ZNF804B: variants seen among roughly 807,000 people sequenced by gnomAD.
ZNF804B encodes the protein zinc finger protein 804B.
A neutral mutation model predicts 101.4 loss-of-function variants in ZNF804B; 80 were observed. The observed-to-expected ratio is 0.79, with a 90% CI of 0.66 to 0.95. The LOEUF is 0.95. Ranked by LOEUF, ZNF804B falls within the 40% of genes least tolerant of loss-of-function variation. The pLI is 0.00. For synonymous variants in ZNF804B, 622 were observed against 558.8 expected, an observed-to-expected ratio of 1.11 and a Z score of -1.59; for missense variants, 1,673 against 1,561.9, an observed-to-expected ratio of 1.07 and a Z score of -1.20.
intron 3 of ZNF804B, among the ~76,000 whole-genome samples, chr7:89,329,591 T>C (rs1192303388): frequency 1.3e-5 from 2 of 151,528 alleles, no homozygotes; most frequent in Non-Finnish European, 3.0e-5. Flanking sequence ...AAAAAAATGG[T>C]AACAGATCTT....
intron 2 of ZNF804B, among the ~76,000 whole-genome samples, chr7:89,232,303 TTTTATAA>T (rs1212399826): frequency 6.6e-6 from 1 of 152,174 alleles, no homozygotes; most frequent in African/African-American, 2.4e-5. Flanking sequence ...ATAACATCTT[TTTTATAA>T]TTTATAGGAT....
chr7:88,810,604 A>T (rs1040643719), intron 1 of ZNF804B, among the ~76,000 whole-genome samples: 2 of 151,966 alleles, frequency 1.3e-5, no homozygotes, highest in South Asian at 4.1e-4. Flanking sequence ...TTAAAGTTTC[A>T]GTAAGCTGTG....
chr7:88,944,083 A>G (rs1339504794), intron 1 of ZNF804B, among the ~76,000 whole-genome samples: 1 of 151,880 alleles, frequency 6.6e-6, no homozygotes, highest in East Asian at 1.9e-4. Flanking sequence ...ATTTGTGTGT[A>G]GAAATATATT....
At chr7:89,142,528 T>C (rs1345271239) in intron 1 of ZNF804B, among the ~76,000 whole-genome samples, 1 of 152,040 alleles carries the variant, frequency 6.6e-6, no homozygotes, top group African/African-American at 2.4e-5. Context: ...TTGTGCTTTG[T>C]CTTCAGGATT....
intron 1 of ZNF804B, among the ~76,000 whole-genome samples, chr7:88,994,550 C>T (rs1793893141): frequency 6.6e-6 from 1 of 152,008 alleles, no homozygotes; most frequent in South Asian, 2.1e-4. Context: ...CTACTTAAGT[C>T]ACTAATTGCT....
chr7:89,100,557 C>G (rs903245549), intron 1 of ZNF804B, among the ~76,000 whole-genome samples: 18 of 152,138 alleles, frequency 1.2e-4, no homozygotes, highest in African/African-American at 4.1e-4. Context: ...TATTTGCAAA[C>G]TATCTCTCTG....
rs1791065950 is a variant in ZNF804B, at chr7:89,335,558, T to C, written c.2576T>C (p.Ile859Thr). ...CACGACAGATTGGACTCTTACTCAA[T>C]AGAGAAAATGTATTACTTGAATAAA... The part of the protein sequence containing the change: ...TQHDRLDSYS[I>T]EKMYYLNKSK... The change falls in exon 4 of 4, where the codon ATA becomes ACA. Residue 859 changes from isoleucine to threonine, a missense_variant. Transcript: ENST00000333190. The C allele has an allele frequency of 6.2e-7, 1 of 1,613,860 alleles. No homozygotes were observed. Among genetic ancestry groups the C allele is most frequent in the Non-Finnish European group, 8.5e-7 (1 of 1,179,912 alleles).
chr7:88,989,885 T>C (rs1263757289), intron 1 of ZNF804B, among the ~76,000 whole-genome samples: 3 of 152,222 alleles, frequency 2.0e-5, no homozygotes, highest in East Asian at 3.9e-4. Flanking sequence ...TGAGGAATGA[T>C]AGTGTTATTT....
chr7:88,987,572 T>C (rs1316000335), intron 1 of ZNF804B, among the ~76,000 whole-genome samples: 1 of 150,584 alleles, frequency 6.6e-6, no homozygotes, highest in East Asian at 1.9e-4. Context: ...ATAAAAACAC[T>C]TTTTTTTTAA....
intron 1 of ZNF804B, among the ~76,000 whole-genome samples, chr7:88,940,114 A>G (rs1196052671): frequency 6.6e-6 from 1 of 152,074 alleles, no homozygotes; most frequent in Non-Finnish European, 1.5e-5. Flanking sequence ...CTTATTCATA[A>G]ATACCAAAGG....
chr7:89,255,112 C>T (rs1789606504), intron 2 of ZNF804B, among the ~76,000 whole-genome samples: 1 of 152,172 alleles, frequency 6.6e-6, no homozygotes, highest in African/African-American at 2.4e-5. Flanking sequence ...CCTCAGGAAA[C>T]TTACAGTCAT....
At chr7:89,196,855 A>G (rs891449838) in intron 1 of ZNF804B, among the ~76,000 whole-genome samples, 7 of 152,142 alleles carry the variant, frequency 4.6e-5, no homozygotes, top group South Asian at 2.1e-4. Flanking sequence ...CGATCAACAA[A>G]CATATGAAAA....
chr7:88,987,628 TA>T (rs1584056007), intron 1 of ZNF804B, among the ~76,000 whole-genome samples: 3 of 152,056 alleles, frequency 2.0e-5, no homozygotes, highest in African/African-American at 7.2e-5. Flanking sequence ...TTTTAATTTT[TA>T]GGAATAGATA....
At chr7:88,847,298 CA>C (rs974822036) in intron 1 of ZNF804B, among the ~76,000 whole-genome samples, 114 of 151,624 alleles carry the variant, frequency 7.5e-4, no homozygotes, top group Non-Finnish European at 1.2e-3. Context: ...AATATTCCAT[CA>C]AAAAAAATTT....
chr7:89,093,663 C>CT (rs1442511340), intron 1 of ZNF804B, among the ~76,000 whole-genome samples: 2 of 152,230 alleles, frequency 1.3e-5, no homozygotes, highest in Non-Finnish European at 2.9e-5. Context: ...AAACTCGACT[C>CT]TGTCTTTGGC....
chr7:88,993,053 A>AT, intron 1 of ZNF804B, among the ~76,000 whole-genome samples: 1 of 152,130 alleles, frequency 6.6e-6, no homozygotes, highest in East Asian at 1.9e-4. Flanking sequence ...CAACATAAGA[A>AT]AATGGCCAAA....
At chr7:88,845,972 A>G (rs1791367237) in intron 1 of ZNF804B, among the ~76,000 whole-genome samples, 1 of 152,226 alleles carries the variant, frequency 6.6e-6, no homozygotes, top group Non-Finnish European at 1.5e-5. Flanking sequence ...GGAGAAAGAG[A>G]GAAATCATCA....
chr7:89,024,510 A>G (rs2116220768), intron 1 of ZNF804B, among the ~76,000 whole-genome samples: 1 of 151,540 alleles, frequency 6.6e-6, no homozygotes, highest in South Asian at 2.1e-4. Context: ...TCATTATATT[A>G]GTATACATTT....
chr7:88,899,303 T>C (rs894994364), intron 1 of ZNF804B, among the ~76,000 whole-genome samples: 1 of 152,156 alleles, frequency 6.6e-6, no homozygotes, highest in Non-Finnish European at 1.5e-5. Flanking sequence ...ATCAAAACTT[T>C]CTGGGGACGG....
Sources: gnomAD v4.1 joint callset for allele counts (sites outside exome capture counted in the v4.1 genomes callset) on GRCh38, gnomAD v4.1.1 for gene constraint, MANE v1.5 for transcripts, NCBI Gene and HGNC (gene_info 2026-07-23, HGNC 2026-07-21) for gene names.